SRGAP3: variants seen among roughly 807,000 people sequenced by gnomAD.
SRGAP3 encodes SLIT-ROBO Rho GTPase activating protein 3.
A neutral mutation model predicts 121.1 loss-of-function variants in SRGAP3; 39 were observed. The observed-to-expected ratio is 0.32, with a 90% CI of 0.25 to 0.42. The LOEUF (loss-of-function observed/expected upper bound fraction) is 0.42, where lower values mean the gene tolerates loss of function less well. Ranked by LOEUF, SRGAP3 falls within the 10% of genes least tolerant of loss-of-function variation. The probability of loss-of-function intolerance (pLI) is 1.00; values close to 1 mark genes in which losing one functional copy is unlikely to be tolerated. For synonymous variants in SRGAP3, 601 were observed against 570.0 expected (o/e 1.05, Z -0.77); for missense variants, 1,213 against 1,470.6 (o/e 0.82, Z 2.86).
At chr3:9,053,835 G>A (rs976012857) in intron 8 of SRGAP3, among the ~76,000 whole-genome samples, 1 of 152,234 alleles carries the variant, frequency 6.6e-6, no homozygotes, top group Non-Finnish European at 1.5e-5. Context: ...GCCTGCACAA[G>A]CAGGGCCCAC....
At chr3:9,187,384 G>A (rs1314023211) in intron 1 of SRGAP3, among the ~76,000 whole-genome samples, 1 of 152,030 alleles carries the variant, frequency 6.6e-6, no homozygotes, top group Non-Finnish European at 1.5e-5. Context: ...AGTGATTGAG[G>A]GCAAGTCGGG....
chr3:9,147,346 C>A (rs1281827439), intron 1 of SRGAP3, among the ~76,000 whole-genome samples: 1 of 152,138 alleles, frequency 6.6e-6, no homozygotes, highest in Non-Finnish European at 1.5e-5. Flanking sequence ...GTTGATCATA[C>A]TCCAGTCAGA....
intron 3 of SRGAP3, among the ~76,000 whole-genome samples, chr3:9,087,045 G>A (rs2124829278): frequency 6.6e-6 from 1 of 151,704 alleles, no homozygotes; most frequent in East Asian, 1.9e-4. Flanking sequence ...GTATGCATAT[G>A]TAACATACAT....
At chr3:9,067,236 G>T (rs889694536) in intron 4 of SRGAP3, among the ~76,000 whole-genome samples, 1 of 122,308 alleles carries the variant, frequency 8.2e-6, no homozygotes, top group Non-Finnish European at 1.7e-5. Flanking sequence ...AAGCTCTGGA[G>T]AACATTAACT....
chr3:9,163,040 C>T (rs934942886), intron 1 of SRGAP3, among the ~76,000 whole-genome samples: 3 of 152,190 alleles, frequency 2.0e-5, no homozygotes, highest in Non-Finnish European at 4.4e-5. Flanking sequence ...GTCACCGTAC[C>T]TGCTTCTTAG....
intron 2 of SRGAP3, among the ~76,000 whole-genome samples, chr3:9,107,826 G>A (rs534165295): frequency 6.6e-6 from 1 of 152,214 alleles, no homozygotes; most frequent in Non-Finnish European, 1.5e-5. Flanking sequence ...TGAGAGCAGG[G>A]ATCACTTCTA....
At chr3:9,058,771 G>A (rs1400226475) in intron 6 of SRGAP3, 2 of 355,884 alleles carry the variant, frequency 5.6e-6, no homozygotes, top group Non-Finnish European at 1.0e-5. Context: ...TTAGGCTGGA[G>A]TGCAGTGGCA....
chr3:9,005,364 C>G (rs1943011687), intron 18 of SRGAP3, among the ~76,000 whole-genome samples: 1 of 152,178 alleles, frequency 6.6e-6, no homozygotes, highest in Non-Finnish European at 1.5e-5. Flanking sequence ...GGAAAACAGT[C>G]TGGCAGTTCC....
intron 5 of SRGAP3, among the ~76,000 whole-genome samples, chr3:9,063,937 A>C (rs569982087): frequency 3.3e-5 from 5 of 152,244 alleles, no homozygotes; most frequent in Admixed American, 3.3e-4. Context: ...TGAGCCCTTC[A>C]CCAGCTTTCC....
intron 3 of SRGAP3, among the ~76,000 whole-genome samples, chr3:9,304,401 A>T (rs1249301432): frequency 1.3e-5 from 2 of 152,182 alleles, no homozygotes; most frequent in Non-Finnish European, 2.9e-5. Context: ...AACCCAGAGT[A>T]GTTACAAGAA....
chr3:9,095,269 A>AT (rs1947923192), intron 3 of SRGAP3, among the ~76,000 whole-genome samples: 1 of 151,734 alleles, frequency 6.6e-6, no homozygotes, highest in African/African-American at 2.4e-5. Flanking sequence ...TGTATGGAAG[A>AT]TTTTTTATTT....
rs1387588785 is a variant in SRGAP3 at position 9,002,357 on chromosome 3, G to GA, written c.2228-7835dup. On this transcript the variant is annotated intron_variant, in intron 18 of 21. Coordinates refer to ENST00000383836, the MANE Select transcript of SRGAP3 (RefSeq NM_014850.4). The stretch of plus-strand genomic sequence containing the variant: ...TACTGCTAAATAACTAGTGGTTGAA[G>GA]AAAAAAATCAAAAGAGAAATCTTTG... Among the ~76,000 whole-genome samples the GA allele has an allele frequency of 6.6e-5, 10 of 151,978 alleles. No individual in the cohort carries two copies. In the South Asian group the frequency reaches 1.0e-3, roughly 16 times the overall value.
intron 1 of SRGAP3, among the ~76,000 whole-genome samples, chr3:9,356,705 G>A (rs574597336): frequency 6.6e-6 from 1 of 151,874 alleles, no homozygotes; most frequent in South Asian, 2.1e-4. Context: ...ATGAGGTTTT[G>A]CCATGTTGCC....
At chr3:9,279,614 A>G (rs1398270830) in intron 3 of SRGAP3, among the ~76,000 whole-genome samples, 1 of 151,142 alleles carries the variant, frequency 6.6e-6, no homozygotes, top group Non-Finnish European at 1.5e-5. Flanking sequence ...CCCGGGTTCA[A>G]GCAATTCTCC....
intron 3 of SRGAP3, among the ~76,000 whole-genome samples, chr3:9,093,086 T>C (rs892812115): frequency 3.3e-5 from 5 of 152,192 alleles, no homozygotes; most frequent in African/African-American, 1.2e-4. Context: ...CCAGTATCTA[T>C]GAAAACCTGA....
At chr3:9,350,202 T>C (rs529578583) in intron 1 of SRGAP3, 66 of 152,376 alleles carry the variant, frequency 4.3e-4, no homozygotes, top group Middle Eastern at 3.4e-3. Flanking sequence ...TTTAATTCAG[T>C]CAACACATAT....
chr3:9,096,445 T>TTAA (rs1166048246), intron 3 of SRGAP3, among the ~76,000 whole-genome samples: 1 of 152,218 alleles, frequency 6.6e-6, no homozygotes, highest in Non-Finnish European at 1.5e-5. Flanking sequence ...CTTCTGTATA[T>TTAA]TAATCTTTAA....
intron 3 of SRGAP3, among the ~76,000 whole-genome samples, chr3:9,294,695 C>CGTGTGTGTTTGTGTGT (rs1954922701): frequency 8.3e-6 from 1 of 119,818 alleles, no homozygotes; most frequent in Non-Finnish European, 1.8e-5. Flanking sequence ...TTGAAGCTTT[C>CGTGTGTGTTTGTGTGT]GTGTGTGTGT....
chr3:9,216,731 AGCACAT>A, intron 1 of SRGAP3: 1 of 152,794 alleles, frequency 6.5e-6, no homozygotes, highest in East Asian at 1.9e-4. Flanking sequence ...ACAAGACCGC[AGCACAT>A]GAGCCACACC....
Sources: gnomAD v4.1 joint callset for allele counts (sites outside exome capture counted in the v4.1 genomes callset) on GRCh38, gnomAD v4.1.1 for gene constraint, MANE v1.5 for transcripts, NCBI Gene and HGNC (gene_info 2026-07-23, HGNC 2026-07-21) for gene names.